FAM184B: variants seen among roughly 807,000 people sequenced by gnomAD.
FAM184B encodes the protein family with sequence similarity 184 member B.
A neutral mutation model predicts 135.9 loss-of-function variants in FAM184B; 111 were observed. The observed-to-expected ratio is 0.82, with a 90% CI of 0.70 to 0.96. The LOEUF (loss-of-function observed/expected upper bound fraction) is 0.96, where lower values mean the gene tolerates loss of function less well. FAM184B is among the 40% of genes least tolerant of loss of function. The pLI, the probability that FAM184B is intolerant of heterozygous loss-of-function variation, is 0.00. For missense variants in FAM184B, 1,375 were observed against 1,323.9 expected, an observed-to-expected ratio of 1.04 and a Z score of -0.60; for synonymous variants, 552 against 524.8, an observed-to-expected ratio of 1.05 and a Z score of -0.71.
chr4:17,693,834 G>A (rs1448988928), intron 5 of FAM184B, among the ~76,000 whole-genome samples: 4 of 152,168 alleles, frequency 2.6e-5, no homozygotes, highest in African/African-American at 7.2e-5. Context: ...GTGGTTAGCC[G>A]GGTATGGTGG....
intron 14 of FAM184B, among the ~76,000 whole-genome samples, chr4:17,638,912 C>T (rs1236805056): frequency 3.9e-5 from 6 of 152,132 alleles, no homozygotes; most frequent in Non-Finnish European, 8.8e-5. Flanking sequence ...TCTCCGTTCA[C>T]TGAAAGCTCT....
intron 7 of FAM184B, among the ~76,000 whole-genome samples, chr4:17,687,841 T>G (rs1454580051): frequency 6.6e-6 from 1 of 152,192 alleles, no homozygotes; most frequent in East Asian, 1.9e-4. Flanking sequence ...TTCAGACCTC[T>G]GGCCTCCAGA....
In FAM184B at chr4:17,705,659, A is replaced by G. The variant is rs540854830; in HGVS notation, c.1170+93T>C. 1.1e-4 allele frequency: 161 copies of G among 1,427,688 alleles called. No individual in the cohort carries two copies. The African/African-American group carries it at 2.1e-3, about 19-fold the overall frequency. The allele number at this position is 1,427,688 out of a possible 1,614,324, so 88.4% of individuals were successfully genotyped here. A position where few individuals can be genotyped will look rare whatever the true frequency, so the allele number is the denominator to read the frequency against. Reference sequence around the variant, plus strand: ...GGGTCTTCTGATTCCAAGTGGATCCACTATGCTTGGGGACTGGCCTCTACC... The same window carrying G: ...GGGTCTTCTGATTCCAAGTGGATCCGCTATGCTTGGGGACTGGCCTCTACC... On this transcript the variant is annotated intron_variant, in intron 4 of 17. Transcript: ENST00000265018.
chr4:17,766,828 G>T (rs1299712298), intron 1 of FAM184B, among the ~76,000 whole-genome samples: 1 of 152,210 alleles, frequency 6.6e-6, no homozygotes, highest in Non-Finnish European at 1.5e-5. Context: ...GCCCCTGGGC[G>T]GTCAATGGGA....
chr4:17,762,596 G>A (rs1042961975), intron 1 of FAM184B, among the ~76,000 whole-genome samples: 2 of 152,146 alleles, frequency 1.3e-5, no homozygotes, highest in Non-Finnish European at 2.9e-5. Context: ...ACATTCGATC[G>A]ACCAAAGCAA....
chr4:17,774,357 G>A (rs917686469), intron 1 of FAM184B, among the ~76,000 whole-genome samples: 7 of 151,906 alleles, frequency 4.6e-5, no homozygotes, highest in African/African-American at 1.7e-4. Context: ...AACAGAGCCA[G>A]ACCCTGTCTC....
chr4:17,772,927 G>C (rs183512527), intron 1 of FAM184B, among the ~76,000 whole-genome samples: 37 of 152,324 alleles, frequency 2.4e-4, no homozygotes, highest in African/African-American at 8.9e-4. Context: ...AGAGGCAAGA[G>C]CTCTATAGGC....
rs1394418348 is a variant in FAM184B, at chr4:17,630,076, CAA to C, written c.*2454_*2455del. 6.6e-6 allele frequency: 1 copy of C among 152,160 alleles called. No individual in the cohort carries two copies. The highest frequency in any genetic ancestry group is 2.4e-5 in the African/African-American group (1 of 41,444). 9.4% of individuals were successfully genotyped at this position (152,160 alleles called of 1,614,324 possible). A position where few individuals can be genotyped will look rare whatever the true frequency, so the allele number is the denominator to read the frequency against. On this transcript the variant is annotated 3_prime_UTR_variant, in exon 18 of 18. Transcript: ENST00000265018. ...CAGTCACCTGCAGCAAGAAAGGAGT[CAA>C]AACCTATGTACGATCTCAACTAGTA...
Position 17,781,364 on chromosome 4 carries a change from G to T in FAM184B, c.-65C>A. The T allele has an allele frequency of 7.1e-7, 1 of 1,412,024 alleles. No individual in the cohort carries two copies. Among genetic ancestry groups the T allele is most frequent in the Non-Finnish European group, 9.3e-7 (1 of 1,076,772 alleles). 87.5% of individuals were successfully genotyped at this position (1,412,024 alleles called of 1,614,324 possible). ...CCCTGCCCACCGTGTGCACGTGCGT[G>T]CGCGCGCGGGCGTGCGAGCGTGTGG... On this transcript the variant is annotated 5_prime_UTR_variant, in exon 1 of 18. Transcript: ENST00000265018. The surrounding 1 kb of genome is among the most constrained non-coding windows in gnomAD (Gnocchi z 6.5).
chr4:17,716,084 G>T (rs571166673), intron 1 of FAM184B, among the ~76,000 whole-genome samples: 11 of 152,246 alleles, frequency 7.2e-5, no homozygotes, highest in Admixed American at 2.6e-4. Flanking sequence ...GAGGAAGGAG[G>T]ACAACATACC....
intron 5 of FAM184B, among the ~76,000 whole-genome samples, chr4:17,702,793 A>G (rs1400883066): frequency 1.3e-5 from 2 of 152,228 alleles, no homozygotes; most frequent in Non-Finnish European, 2.9e-5. Flanking sequence ...CTGACAGGTT[A>G]CCAGGGCAAC....
chr4:17,671,510 G>C (rs554484405), intron 7 of FAM184B, among the ~76,000 whole-genome samples: 1 of 152,152 alleles, frequency 6.6e-6, no homozygotes, highest in East Asian at 1.9e-4. Context: ...ACCTGGCCAG[G>C]CTCATTAATG....
chr4:17,694,088 G>A lies in FAM184B; in HGVS notation c.1378-676C>T, dbSNP rs563226453. Reference sequence around the variant, plus strand: ...GGAACATTCTGGGGACCACATGAGCGGTGCAGTTACGTTCCAGCTGTGTCA... The same window carrying A: ...GGAACATTCTGGGGACCACATGAGCAGTGCAGTTACGTTCCAGCTGTGTCA... On this transcript the variant is annotated intron_variant, in intron 5 of 17. Coordinates refer to ENST00000265018, the MANE Select transcript of FAM184B (RefSeq NM_015688.2). Among the ~76,000 whole-genome samples, 27 of 152,244 alleles carry A rather than the reference G, an allele frequency of 1.8e-4. No individual in the cohort carries two copies. The East Asian group carries it at 2.3e-3, about 13-fold the overall frequency.
At chr4:17,759,684 G>T (rs1249171612) in intron 1 of FAM184B, among the ~76,000 whole-genome samples, 1 of 151,758 alleles carries the variant, frequency 6.6e-6, no homozygotes, top group Non-Finnish European at 1.5e-5. Flanking sequence ...TTAGTAGAAA[G>T]GGTGTTTCAC....
chr4:17,702,363 G>A (rs1717007937), intron 5 of FAM184B, among the ~76,000 whole-genome samples: 1 of 152,170 alleles, frequency 6.6e-6, no homozygotes, highest in African/African-American at 2.4e-5. Flanking sequence ...TATAGGATGT[G>A]TACTGTGCTG....
chr4:17,712,492 C>A (rs1717302971), intron 1 of FAM184B, among the ~76,000 whole-genome samples: 1 of 152,192 alleles, frequency 6.6e-6, no homozygotes, highest in Non-Finnish European at 1.5e-5. Flanking sequence ...TTCACACGGA[C>A]TTTTAGCCTT....
At chr4:17,713,085 C>A (rs150806519) in intron 1 of FAM184B, among the ~76,000 whole-genome samples, 1 of 152,204 alleles carries the variant, frequency 6.6e-6, no homozygotes, top group Non-Finnish European at 1.5e-5. Context: ...GTCTTCCTCA[C>A]CAGAATGTAA....
At chr4:17,637,010 G>C (rs1715162282) in intron 14 of FAM184B, among the ~76,000 whole-genome samples, 1 of 152,182 alleles carries the variant, frequency 6.6e-6, no homozygotes, top group Middle Eastern at 3.2e-3. Context: ...AGCGCGGCCA[G>C]TGGCCGGTAC....
At chr4:17,657,309 C>A (rs1232189037) in intron 10 of FAM184B, among the ~76,000 whole-genome samples, 1 of 152,222 alleles carries the variant, frequency 6.6e-6, no homozygotes, top group East Asian at 1.9e-4. Context: ...GACAGCTCTT[C>A]CAGAGCCCTC....
Sources: allele counts gnomAD v4.1 joint callset (sites outside exome capture counted in the v4.1 genomes callset), GRCh38; gene constraint gnomAD v4.1.1; non-coding constraint Gnocchi (gnomAD v3.1); transcripts MANE v1.5; gene names NCBI Gene and HGNC (gene_info 2026-07-23, HGNC 2026-07-21).